The following ZNG1F variants were observed in gnomAD, a reference collection of about 807,000 sequenced individuals.
ZNG1F encodes Zn regulated GTPase metalloprotein activator 1F.
chr9:41,186,804 A>G, the ZNG1F span, among the ~76,000 whole-genome samples: 1 of 73,386 alleles, frequency 1.4e-5, no homozygotes, highest in Non-Finnish European at 3.0e-5. Context: ...TTTCTAGTAT[A>G]TAACTAGATC....
At chr9:41,175,155 C>G in the ZNG1F span, among the ~76,000 whole-genome samples, 2 of 148,776 alleles carry the variant, frequency 1.3e-5, no homozygotes, top group African/African-American at 5.0e-5. Flanking sequence ...AAGTCTAAAG[C>G]TGTCCACCTG....
the ZNG1F span, chr9:41,164,924 A>G: frequency 1.4e-6 from 2 of 1,420,344 alleles, no homozygotes; most frequent in Non-Finnish European, 1.9e-6. Context: ...AAGTTTCTAC[A>G]GGGCAACAAT....
At chr9:41,141,148 A>C in the ZNG1F span, among the ~76,000 whole-genome samples, 1 of 151,716 alleles carries the variant, frequency 6.6e-6, no homozygotes, top group South Asian at 2.1e-4. Flanking sequence ...AAGCTCAAGA[A>C]GGATGATCTA....
the ZNG1F span, chr9:41,183,655 C>T: frequency 4.4e-6 from 7 of 1,605,170 alleles, 1 homozygote; most frequent in African/African-American, 1.4e-5. Context: ...TTCTCCAGCG[C>T]ACTTCCTAGA....
chr9:41,154,907 G>A, the ZNG1F span, among the ~76,000 whole-genome samples: 2 of 150,000 alleles, frequency 1.3e-5, no homozygotes, highest in Non-Finnish European at 3.0e-5. Context: ...AACCCTAGAA[G>A]AAAACCTAGG....
the ZNG1F span, among the ~76,000 whole-genome samples, chr9:41,185,638 A>G: frequency 6.6e-6 from 1 of 151,890 alleles, no homozygotes; most frequent in African/African-American, 2.4e-5. Context: ...GCACCACTGC[A>G]CTCCAGCCTG....
chr9:41,183,592 T>A, the ZNG1F span: 1 of 1,599,610 alleles, frequency 6.3e-7, no homozygotes, highest in African/African-American at 1.4e-5. Context: ...CAACCGTTTC[T>A]AAGTTCCAGC....
At chr9:41,199,814 G>T in the ZNG1F span, among the ~76,000 whole-genome samples, 5 of 152,012 alleles carry the variant, frequency 3.3e-5, no homozygotes, top group South Asian at 2.1e-4. Context: ...CTGTGCACCC[G>T]CAGGCTCAAA....
the ZNG1F span, among the ~76,000 whole-genome samples, chr9:41,154,559 C>T: frequency 2.8e-5 from 4 of 140,432 alleles, no homozygotes; most frequent in Non-Finnish European, 1.6e-5. Flanking sequence ...CAATCCTAAG[C>T]CAAAAGAACA....
At chr9:41,155,338 TAA>T in the ZNG1F span, among the ~76,000 whole-genome samples, 1 of 149,674 alleles carries the variant, frequency 6.7e-6, no homozygotes. Flanking sequence ...TGGCGATCAT[TAA>T]AAAGTCAGGA....
At chr9:41,195,492 G>A in the ZNG1F span, among the ~76,000 whole-genome samples, 35 of 113,630 alleles carry the variant, frequency 3.1e-4, no homozygotes, top group Admixed American at 6.2e-4. Context: ...TGACATTAAA[G>A]GCTGTAAGTA....
At chr9:41,144,328 A>T in the ZNG1F span, among the ~76,000 whole-genome samples, 1 of 52,930 alleles carries the variant, frequency 1.9e-5, no homozygotes, top group Non-Finnish European at 4.7e-5. Flanking sequence ...TTTACCCAGA[A>T]GCTCAAATGT....
At chr9:41,145,258 G>C in the ZNG1F span, 1 of 350,100 alleles carries the variant, frequency 2.9e-6, no homozygotes, top group Non-Finnish European at 4.8e-6. Context: ...TAGAAATTTT[G>C]GATTTAGATT....
chr9:41,132,956 ATTC>A, the ZNG1F span: 2 of 528,168 alleles, frequency 3.8e-6, no homozygotes, highest in Non-Finnish European at 4.8e-6. Context: ...TTGAAATAAT[ATTC>A]TTAATTTACC....
chr9:41,132,577 G>A, the ZNG1F span: 1 of 1,352,162 alleles, frequency 7.4e-7, no homozygotes, highest in Non-Finnish European at 9.5e-7. Flanking sequence ...TTTTTTTTTT[G>A]AACAATCCCC....
the ZNG1F span, among the ~76,000 whole-genome samples, chr9:41,140,977 C>A: frequency 1.4e-3 from 209 of 151,426 alleles, no homozygotes; most frequent in Non-Finnish European, 2.6e-3. Flanking sequence ...ATCCACCCAC[C>A]TTGGCCTGTC....
At chr9:41,173,887 A>T in the ZNG1F span, among the ~76,000 whole-genome samples, 1 of 149,086 alleles carries the variant, frequency 6.7e-6, no homozygotes, top group South Asian at 2.1e-4. Flanking sequence ...AAGTTATAAT[A>T]TGAATGAACA....
At chr9:41,203,223 TTAA>T in the ZNG1F span, among the ~76,000 whole-genome samples, 1 of 152,186 alleles carries the variant, frequency 6.6e-6, no homozygotes, top group Admixed American at 6.6e-5. Flanking sequence ...CCTGATGCAG[TTAA>T]TAAGTACCTG....
the ZNG1F span, among the ~76,000 whole-genome samples, chr9:41,159,127 G>A: frequency 4.6e-5 from 7 of 150,634 alleles, no homozygotes; most frequent in African/African-American, 9.8e-5. Flanking sequence ...GGCTCTCCTC[G>A]GTGGGGGTGG....
Sources: allele counts gnomAD v4.1 joint callset (sites outside exome capture counted in the v4.1 genomes callset), GRCh38; gene constraint gnomAD v4.1.1; transcripts MANE v1.5; gene names NCBI Gene and HGNC (gene_info 2026-07-23, HGNC 2026-07-21).